The following PPIP5K2 variants were observed in gnomAD, a reference collection of about 807,000 sequenced individuals.
PPIP5K2 encodes diphosphoinositol pentakisphosphate kinase 2, also known as inositol hexakisphosphate and diphosphoinositol-pentakisphosphate kinase 2.
A neutral mutation model predicts 154.6 loss-of-function variants in PPIP5K2; 105 were observed. The observed-to-expected ratio is 0.68, with a 90% confidence interval of 0.58 to 0.80. The LOEUF (loss-of-function observed/expected upper bound fraction) is 0.80. PPIP5K2 is among the 30% of genes least tolerant of loss of function. PPIP5K2 has a pLI of 0.00. For missense variants in PPIP5K2, 992 were observed against 1,504.6 expected, an observed-to-expected ratio of 0.66 and a Z score of 5.64; for synonymous variants, 480 against 490.3, an observed-to-expected ratio of 0.98 and a Z score of 0.28.
chr5:103,189,298 G>T, intron 28 of PPIP5K2: 2 of 1,194,224 alleles, frequency 1.7e-6, no homozygotes, highest in East Asian at 5.1e-5. Context: ...CTTTCATTGT[G>T]CATTAAAGGA....
intron 5 of PPIP5K2, among the ~76,000 whole-genome samples, chr5:103,145,954 C>T (rs1793684873): frequency 6.6e-6 from 1 of 151,998 alleles, no homozygotes; most frequent in African/African-American, 2.4e-5. Context: ...TTGATTATTA[C>T]ACATTGTATG....
chr5:103,150,599 C>G (rs1041084101), intron 8 of PPIP5K2, among the ~76,000 whole-genome samples: 4 of 152,040 alleles, frequency 2.6e-5, no homozygotes, highest in African/African-American at 4.8e-5. Flanking sequence ...ATAGCAAAAC[C>G]CTGTCTATAC....
intron 8 of PPIP5K2, among the ~76,000 whole-genome samples, chr5:103,150,130 A>G (rs530461069): frequency 1.3e-5 from 2 of 152,336 alleles, no homozygotes; most frequent in East Asian, 3.9e-4. Flanking sequence ...TTAATGAAGG[A>G]TAAAAATTTT....
intron 29 of PPIP5K2, among the ~76,000 whole-genome samples, chr5:103,192,327 A>G (rs1315645120): frequency 2.6e-5 from 4 of 152,094 alleles, no homozygotes; most frequent in Non-Finnish European, 4.4e-5. Flanking sequence ...AGGAAAATGA[A>G]GGTGGTAATC....
At chr5:103,195,360 C>A (rs1330838129) in intron 30 of PPIP5K2, among the ~76,000 whole-genome samples, 1 of 151,998 alleles carries the variant, frequency 6.6e-6, no homozygotes, top group Non-Finnish European at 1.5e-5. Context: ...TGGTGCCCAC[C>A]TGCAATCCCA....
chr5:103,132,635 T>G (rs1257624215), intron 2 of PPIP5K2, among the ~76,000 whole-genome samples: 7 of 152,302 alleles, frequency 4.6e-5, no homozygotes, highest in Non-Finnish European at 5.9e-5. Flanking sequence ...CTTTCAAGCC[T>G]AGATTATAAT....
chr5:103,171,367 T>C (rs1469940894), intron 19 of PPIP5K2, among the ~76,000 whole-genome samples: 1 of 151,622 alleles, frequency 6.6e-6, no homozygotes, highest in Non-Finnish European at 1.5e-5. Context: ...TTTTCTTTGG[T>C]TATCTGTAGA....
chr5:103,157,563 A>G (rs1487908139), intron 14 of PPIP5K2, among the ~76,000 whole-genome samples: 1 of 152,150 alleles, frequency 6.6e-6, no homozygotes, highest in Non-Finnish European at 1.5e-5. Context: ...GGATCACCTG[A>G]GGTCAAGATT....
chr5:103,174,696 T>C (rs1389068349), intron 21 of PPIP5K2, among the ~76,000 whole-genome samples: 1 of 152,070 alleles, frequency 6.6e-6, no homozygotes, highest in Non-Finnish European at 1.5e-5. Context: ...TCTAAAATCA[T>C]GTAGCATCAC....
intron 30 of PPIP5K2, among the ~76,000 whole-genome samples, chr5:103,196,107 G>A (rs257115): frequency 0.32 from 48,562 of 151,938 alleles, 8,029 homozygotes; most frequent in East Asian, 0.45. Flanking sequence ...ACTGTATCCA[G>A]TGTTCTCTTT....
chr5:103,182,748 T>C (rs539406966), intron 24 of PPIP5K2, among the ~76,000 whole-genome samples: 1 of 152,198 alleles, frequency 6.6e-6, no homozygotes, highest in African/African-American at 2.4e-5. Flanking sequence ...AGATTTAGTT[T>C]TCTAAGTTAT....
At chr5:103,186,968 G>A (rs545378878) in intron 27 of PPIP5K2, among the ~76,000 whole-genome samples, 4 of 152,168 alleles carry the variant, frequency 2.6e-5, no homozygotes, top group South Asian at 2.1e-4. Context: ...TCATGGAAGC[G>A]TGTCCCTTTT....
At chr5:103,171,359 T>A (rs1414754135) in intron 19 of PPIP5K2, among the ~76,000 whole-genome samples, 1 of 151,590 alleles carries the variant, frequency 6.6e-6, no homozygotes, top group Admixed American at 6.6e-5. Context: ...TAAAGATGTT[T>A]TCTTTGGTTA....
chr5:103,141,213 G>A (rs1792570954), intron 5 of PPIP5K2, among the ~76,000 whole-genome samples: 1 of 152,162 alleles, frequency 6.6e-6, no homozygotes, highest in South Asian at 2.1e-4. Flanking sequence ...CAAGAATGAA[G>A]CCGCAGACCC....
intron 17 of PPIP5K2, among the ~76,000 whole-genome samples, chr5:103,163,783 A>C (rs2149648814): frequency 6.6e-6 from 1 of 152,126 alleles, no homozygotes; most frequent in East Asian, 1.9e-4. Flanking sequence ...ATGTGAAACT[A>C]ACCTTGGTTC....
At chr5:103,150,826 T>A (rs1403945607) in intron 8 of PPIP5K2, among the ~76,000 whole-genome samples, 1 of 147,200 alleles carries the variant, frequency 6.8e-6, no homozygotes, top group Non-Finnish European at 1.5e-5. Flanking sequence ...TCAAAACTAT[T>A]CTCCACGTCC....
chr5:103,205,723 T>C lies in PPIP5K2; in HGVS notation c.*4089T>C, dbSNP rs2149881392. ...TTATATAGTATGTGGGTATGTTTTC[T>C]GGTGCATATAAATTCATGAATGCTA... On this transcript the variant is annotated 3_prime_UTR_variant, in exon 31 of 31. Coordinates refer to ENST00000358359, the MANE Select transcript of PPIP5K2 (RefSeq NM_001276277.3). 1 of 152,328 alleles carries C rather than the reference T, an allele frequency of 6.6e-6. No homozygotes were observed. The highest frequency in any genetic ancestry group is 1.9e-4 in the East Asian group (1 of 5,188). The allele number at this position is 152,328 out of a possible 1,614,324, so 9.4% of individuals were successfully genotyped here. A position where few individuals can be genotyped will look rare whatever the true frequency, so the allele number is the denominator to read the frequency against.
chr5:103,140,817 A>G (rs1792469312), intron 5 of PPIP5K2, among the ~76,000 whole-genome samples: 1 of 146,908 alleles, frequency 6.8e-6, no homozygotes, highest in South Asian at 2.2e-4. Context: ...CGCCTGGGCG[A>G]CAGAACGAGA....
chr5:103,128,770 G>A (rs1054067211), intron 1 of PPIP5K2, among the ~76,000 whole-genome samples: 3 of 152,106 alleles, frequency 2.0e-5, no homozygotes, highest in South Asian at 4.1e-4. Flanking sequence ...ATGAAATCTT[G>A]TTCTGACTCT....
Sources: gnomAD v4.1 joint callset for allele counts (sites outside exome capture counted in the v4.1 genomes callset) on GRCh38, gnomAD v4.1.1 for gene constraint, MANE v1.5 for transcripts, NCBI Gene and HGNC (gene_info 2026-07-23, HGNC 2026-07-21) for gene names.